FRMD4A: variants seen among roughly 807,000 people sequenced by gnomAD.
The protein encoded by FRMD4A is FERM domain-containing protein 4A.
FRMD4A carries 29 observed loss-of-function variants against 129.1 expected under a neutral mutation model. That is an observed-to-expected ratio of 0.22 (90% CI 0.17 to 0.31). FRMD4A has a LOEUF of 0.31. Ranked by LOEUF, FRMD4A falls within the 10% of genes least tolerant of loss-of-function variation. The pLI is 1.00. For synonymous variants in FRMD4A, 634 were observed against 571.6 expected (o/e 1.11, Z -1.56); for missense variants, 1,272 against 1,375.8 (o/e 0.92, Z 1.19).
intron 14 of FRMD4A, among the ~76,000 whole-genome samples, chr10:13,696,679 G>A (rs989859128): frequency 2.0e-5 from 3 of 152,164 alleles, no homozygotes; most frequent in African/African-American, 4.8e-5. Context: ...GGGAGGCGGA[G>A]GTTGCAGTGA....
Position 14,185,631 on chromosome 10 carries a change from G to A in FRMD4A, c.45+144427C>T, listed in dbSNP as rs189016874. ...GACAGAAAGGGGATATATACTTCAT[G>A]GTCAGAGAGCTGCAGGGGCGGTTGT... On this transcript the variant is annotated intron_variant, in intron 2 of 24. Transcript: ENST00000357447. 7.3e-4 allele frequency among the ~76,000 whole-genome samples: 111 copies of A among 152,282 alleles called. 1 individual carries two copies. The highest frequency in any genetic ancestry group is 6.2e-4 in the South Asian group (3 of 4,822).
At chr10:14,028,733 C>A (rs1833095621) in intron 2 of FRMD4A, among the ~76,000 whole-genome samples, 1 of 152,068 alleles carries the variant, frequency 6.6e-6, no homozygotes, top group South Asian at 2.1e-4. Flanking sequence ...GTGGGAAGGG[C>A]AATGAGTGAG....
intron 14 of FRMD4A, among the ~76,000 whole-genome samples, chr10:13,696,299 C>A (rs567326594): frequency 7.2e-5 from 11 of 152,200 alleles, no homozygotes; most frequent in Admixed American, 2.0e-4. Flanking sequence ...GAGTACAACC[C>A]ATGACTTCCT....
chr10:14,243,422 A>G (rs1218388), intron 2 of FRMD4A, among the ~76,000 whole-genome samples: 125,111 of 152,122 alleles, frequency 0.82, 51,720 homozygotes, highest in Non-Finnish European at 0.87. Context: ...CCCTTCTGCC[A>G]TAGTTTCCTG....
At chr10:14,170,914 T>C (rs917939381) in intron 2 of FRMD4A, among the ~76,000 whole-genome samples, 1 of 152,068 alleles carries the variant, frequency 6.6e-6, no homozygotes. Context: ...CTTACAGTCA[T>C]GAAAAGTAAA....
intron 2 of FRMD4A, among the ~76,000 whole-genome samples, chr10:13,986,325 T>G (rs1398932926): frequency 3.3e-5 from 5 of 151,204 alleles, no homozygotes; most frequent in Non-Finnish European, 7.4e-5. Flanking sequence ...CCATAAAAAA[T>G]GATGAGTTCA....
intron 2 of FRMD4A, among the ~76,000 whole-genome samples, chr10:14,075,800 C>T (rs536763104): frequency 6.6e-6 from 1 of 152,000 alleles, no homozygotes; most frequent in East Asian, 1.9e-4. Context: ...ATATATAAAC[C>T]ATTAATCTAG....
intron 12 of FRMD4A, among the ~76,000 whole-genome samples, chr10:13,731,519 C>T (rs1448473281): frequency 2.0e-5 from 3 of 151,860 alleles, no homozygotes; most frequent in South Asian, 4.2e-4. Context: ...TGTGGTGGCA[C>T]GTGCCTGTAA....
chr10:13,871,989 T>A (rs2094443892), intron 2 of FRMD4A, among the ~76,000 whole-genome samples: 1 of 152,222 alleles, frequency 6.6e-6, no homozygotes, highest in South Asian at 2.1e-4. Context: ...CCTCCAGAAG[T>A]TACTTCACCA....
At chr10:13,691,396 C>T (rs7908428) in intron 15 of FRMD4A, among the ~76,000 whole-genome samples, 2,430 of 152,206 alleles carry the variant, frequency 0.016, 55 homozygotes, top group African/African-American at 0.055. Flanking sequence ...TGCCTTGGTG[C>T]CCCCTGGAGT....
In FRMD4A at chr10:14,218,955, C is replaced by CAAAAAAA. The variant is rs56064346; in HGVS notation, c.45+111096_45+111102dup. 3.6e-4 allele frequency among the ~76,000 whole-genome samples: 26 copies of CAAAAAAA among 72,646 alleles called. 4 individuals carry two copies. The highest frequency in any genetic ancestry group is 1.6e-3 in the African/African-American group (21 of 13,054). 47.7% of individuals were successfully genotyped at this position (72,646 alleles called of 152,430 possible). A position where few individuals can be genotyped will look rare whatever the true frequency, so the allele number is the denominator to read the frequency against. On this transcript the variant is annotated intron_variant, in intron 2 of 24. Transcript: ENST00000357447. ...GGGCAACAAGAGTGAGACTTCATCT[C>CAAAAAAA]AAAAAAAAAAAAAAAAAAAAAAAAA...
At chr10:13,732,255 G>A (rs2090367350) in intron 12 of FRMD4A, among the ~76,000 whole-genome samples, 1 of 152,162 alleles carries the variant, frequency 6.6e-6, no homozygotes, top group Non-Finnish European at 1.5e-5. Flanking sequence ...TGAGGGACGG[G>A]CTACTGTTGT....
chr10:14,207,143 G>A (rs751695115), intron 2 of FRMD4A, among the ~76,000 whole-genome samples: 8 of 152,120 alleles, frequency 5.3e-5, no homozygotes, highest in Non-Finnish European at 1.0e-4. Flanking sequence ...ACATTCCAGA[G>A]TGTTCTGGAA....
chr10:13,682,692 G>A (rs903282676), intron 15 of FRMD4A, among the ~76,000 whole-genome samples: 1 of 151,750 alleles, frequency 6.6e-6, no homozygotes, highest in Non-Finnish European at 1.5e-5. Context: ...GTAGAGATGG[G>A]GTTAGTAGAG....
chr10:13,697,319 G>C (rs970638607), intron 14 of FRMD4A, among the ~76,000 whole-genome samples: 1 of 152,054 alleles, frequency 6.6e-6, no homozygotes, highest in Non-Finnish European at 1.5e-5. Flanking sequence ...ACCACGCCTG[G>C]CTATTTTTAG....
At chr10:13,828,666 G>T (rs2093741848) in intron 3 of FRMD4A, among the ~76,000 whole-genome samples, 1 of 151,908 alleles carries the variant, frequency 6.6e-6, no homozygotes, top group African/African-American at 2.4e-5. Context: ...TCGAGTAGCT[G>T]GGATTATAGG....
chr10:13,921,400 C>CA (rs1194023822), intron 2 of FRMD4A, among the ~76,000 whole-genome samples: 5 of 151,912 alleles, frequency 3.3e-5, no homozygotes, highest in African/African-American at 1.2e-4. Flanking sequence ...TAGCTGGGAC[C>CA]ACAGGCGTGT....
At chr10:14,064,135 T>G (rs1834945128) in intron 2 of FRMD4A, among the ~76,000 whole-genome samples, 1 of 152,368 alleles carries the variant, frequency 6.6e-6, no homozygotes, top group South Asian at 2.1e-4. Context: ...CCTCCCCAGC[T>G]GGGTGGGAGC....
intron 3 of FRMD4A, among the ~76,000 whole-genome samples, chr10:13,848,676 T>C (rs1302594583): frequency 1.3e-5 from 2 of 151,782 alleles, no homozygotes; most frequent in Non-Finnish European, 2.9e-5. Flanking sequence ...ATCGCATCAA[T>C]CTGCTGTATC....
Sources: allele counts gnomAD v4.1 joint callset (sites outside exome capture counted in the v4.1 genomes callset), GRCh38; gene constraint gnomAD v4.1.1; transcripts MANE v1.5; gene names NCBI Gene and HGNC (gene_info 2026-07-23, HGNC 2026-07-21).